The following ARHGAP35 variants were observed in gnomAD, a reference collection of about 807,000 sequenced individuals.
The protein encoded by ARHGAP35 is Rho GTPase activating protein 35.
ARHGAP35 carries 15 observed loss-of-function variants against 111.1 expected under a neutral mutation model. The ratio of observed to expected loss-of-function variants is 0.13; its 90% CI spans 0.09 to 0.21. ARHGAP35 has a LOEUF of 0.21. Among genes scored for constraint, ARHGAP35 ranks in the 10% least tolerant of loss-of-function variants. The probability of loss-of-function intolerance (pLI) is 1.00; values close to 1 mark genes in which losing one functional copy is unlikely to be tolerated. For synonymous variants in ARHGAP35, 643 were observed against 710.3 expected (o/e 0.91, Z 1.51); for missense variants, 1,262 against 1,873.0 (o/e 0.67, Z 6.02).
At chr19:46,998,908 G>A (rs1284187705) in intron 5 of ARHGAP35, among the ~76,000 whole-genome samples, 3 of 152,272 alleles carry the variant, frequency 2.0e-5, no homozygotes, top group African/African-American at 4.8e-5. Flanking sequence ...GCGTGGGTGG[G>A]TGGCAGCGGC....
chr19:46,872,817 C>A (rs1416744842), intron 1 of ARHGAP35, among the ~76,000 whole-genome samples: 1 of 149,916 alleles, frequency 6.7e-6, no homozygotes, highest in East Asian at 2.0e-4. Flanking sequence ...GGAGACGGAG[C>A]TTGCAGTGAG....
At chr19:46,970,824 G>A (rs537978483) in intron 3 of ARHGAP35, among the ~76,000 whole-genome samples, 4 of 152,230 alleles carry the variant, frequency 2.6e-5, no homozygotes, top group Admixed American at 1.3e-4. Flanking sequence ...AGGATGACTC[G>A]AAGTGGAATG....
chr19:46,885,843 G>A (rs796231065), intron 1 of ARHGAP35, among the ~76,000 whole-genome samples: 4 of 152,000 alleles, frequency 2.6e-5, no homozygotes, highest in African/African-American at 9.7e-5. Flanking sequence ...TGTTGCCCAG[G>A]CTGGACTCGA....
At chr19:46,886,011 A>G (rs568655949) in intron 1 of ARHGAP35, among the ~76,000 whole-genome samples, 7 of 152,128 alleles carry the variant, frequency 4.6e-5, no homozygotes, top group Admixed American at 3.3e-4. Context: ...CCTGTCACCC[A>G]TTTCATTTCT....
chr19:46,973,411 G>A (rs2056562088), intron 3 of ARHGAP35, among the ~76,000 whole-genome samples: 1 of 152,096 alleles, frequency 6.6e-6, no homozygotes, highest in Admixed American at 6.6e-5. Flanking sequence ...GCCGGGCGCA[G>A]TGGCTCACGC....
At position 46,957,631 on chromosome 19, in the gene ARHGAP35, A is replaced by T. The variant is rs201427652; in HGVS notation, c.3826+20223A>T. Among the ~76,000 whole-genome samples, 11 of 152,234 alleles carry T rather than the reference A, an allele frequency of 7.2e-5. No homozygotes were observed. In the East Asian group the frequency reaches 2.1e-3, roughly 29 times the overall value. On this transcript the variant is annotated intron_variant, in intron 3 of 6. Transcript: ENST00000672722. ...TATCTCAAAAATAAATAAATAACTA[A>T]ACTGTTAAATGTGTGGCTTAGATGA... is the stretch of plus-strand genomic sequence containing the variant.
At chr19:46,952,623 T>C (rs2056418785) in intron 3 of ARHGAP35, among the ~76,000 whole-genome samples, 2 of 152,254 alleles carry the variant, frequency 1.3e-5, no homozygotes, top group Admixed American at 1.3e-4. Context: ...ATGCAGCTAA[T>C]AATAATGCCC....
Position 46,999,081 on chromosome 19 carries a change from C to T in ARHGAP35, c.4037-223C>T, listed in dbSNP as rs2056731722. 1.3e-5 allele frequency: 7 copies of T among 552,650 alleles called. No homozygotes were observed. The highest frequency in any genetic ancestry group is 3.1e-5 in the Admixed American group (1 of 32,544). The allele number at this position is 552,650 out of a possible 1,614,324, so 34.2% of individuals were successfully genotyped here. A position where few individuals can be genotyped will look rare whatever the true frequency, so the allele number is the denominator to read the frequency against. The stretch of plus-strand genomic sequence containing the variant: ...CCAGGAAGCCCCAGGCACACAGTGC[C>T]GCCCTTCAGCGGGGGCCTGGGACAC... On this transcript the variant is annotated intron_variant, in intron 5 of 6. Coordinates refer to ENST00000672722, the MANE Select transcript of ARHGAP35 (RefSeq NM_004491.5). This position sits in a 1 kb window ranked among gnomAD's most constrained non-coding sequence, Gnocchi z 5.4.
intron 1 of ARHGAP35, among the ~76,000 whole-genome samples, chr19:46,868,319 G>A (rs2055869327): frequency 6.6e-6 from 1 of 152,150 alleles, no homozygotes; most frequent in Non-Finnish European, 1.5e-5. Context: ...GCCTCTCTGG[G>A]TATAAGAATA....
rs144455652 is a variant in ARHGAP35 at position 46,977,156 on chromosome 19, G to A, written c.3827-10833G>A. Among the ~76,000 whole-genome samples the A allele has an allele frequency of 2.2e-4, 33 of 152,298 alleles. 1 individual carries two copies. In the South Asian group the frequency reaches 6.2e-3, roughly 29 times the overall value. Reference sequence around the variant, plus strand: ...TGTGGCCAGCTTCTGCAGGGGGCGTGGCCCTGTGGGGACTCCCAGCCACAG... The same window carrying A: ...TGTGGCCAGCTTCTGCAGGGGGCGTAGCCCTGTGGGGACTCCCAGCCACAG... On this transcript the variant is annotated intron_variant, in intron 3 of 6. Transcript: ENST00000672722.
intron 2 of ARHGAP35, among the ~76,000 whole-genome samples, chr19:46,925,305 T>C (rs2056231779): frequency 6.6e-6 from 1 of 152,190 alleles, no homozygotes. Context: ...AGAGCAAACC[T>C]CCTATTAAAA....
intron 2 of ARHGAP35, among the ~76,000 whole-genome samples, chr19:46,936,370 A>C (rs1156400099): frequency 1.3e-5 from 2 of 151,942 alleles, no homozygotes; most frequent in Non-Finnish European, 2.9e-5. Context: ...AAAAATAGAC[A>C]AAAAAAATAC....
Position 46,989,673 on chromosome 19 carries a change from A to T in ARHGAP35, c.4034A>T (p.His1345Leu). Residue 1345 changes from histidine to leucine, a missense_variant and splice_region_variant, in exon 5 of 7, where the codon CAC becomes CTC. Physicochemically the swap from His to Leu is moderately conservative, Grantham distance 99 (BLOSUM62 -3). Transcript: ENST00000672722. This position sits in a 1 kb window ranked among gnomAD's most constrained non-coding sequence, Gnocchi z 5.3. ...YNMQIDLVEAHKINDREQKLH... is the reference protein window; with the variant it reads ...YNMQIDLVEALKINDREQKLH... ...ATGCAGATCGACTTGGTGGAAGCAC[A>T]CAGTGAGTACCGGCAGCCCAGTGTT... 1 of 1,613,890 alleles carries T rather than the reference A, an allele frequency of 6.2e-7. No homozygotes were observed. The highest frequency in any genetic ancestry group is 8.5e-7 in the Non-Finnish European group (1 of 1,179,810).
chr19:46,914,527 G>A (rs1230524642), intron 1 of ARHGAP35, among the ~76,000 whole-genome samples: 1 of 152,134 alleles, frequency 6.6e-6, no homozygotes, highest in Non-Finnish European at 1.5e-5. Flanking sequence ...TGAAGTGGGA[G>A]GATCACTTGA....
At chr19:46,891,931 A>G (rs188205727) in intron 1 of ARHGAP35, among the ~76,000 whole-genome samples, 3 of 152,026 alleles carry the variant, frequency 2.0e-5, no homozygotes, top group African/African-American at 7.2e-5. Context: ...GCTTGAGTTC[A>G]GGAGTTCGAG....
chr19:46,979,866 C>G (rs1026557573), intron 3 of ARHGAP35, among the ~76,000 whole-genome samples: 10 of 152,000 alleles, frequency 6.6e-5, no homozygotes, highest in African/African-American at 2.4e-4. Flanking sequence ...AGACAGCTAA[C>G]GAAGGGGCAG....
chr19:46,861,079 CCCCCCGCCGCCGGAGCCG>C lies in ARHGAP35; in HGVS notation c.-316_-299del. Among the ~76,000 whole-genome samples the C allele has an allele frequency of 6.8e-6, 1 of 148,126 alleles. No individual in the cohort carries two copies. The highest frequency in any genetic ancestry group is 2.0e-4 in the East Asian group (1 of 4,978). ...AACCCGCGAGGGAGGGTCCGCCCGGCCCCCCGCCGCCGGAGCCGCCGCCGCCGCCTCAGCCGCCGCTGG... is the reference window on the plus strand; with the variant it reads ...AACCCGCGAGGGAGGGTCCGCCCGGCCCGCCGCCGCCTCAGCCGCCGCTGG... On this transcript the variant is annotated 5_prime_UTR_variant, in exon 1 of 7. Transcript: ENST00000672722.
chr19:46,923,689 C>T (rs1342851661), intron 2 of ARHGAP35, among the ~76,000 whole-genome samples: 3 of 151,660 alleles, frequency 2.0e-5, no homozygotes, highest in Admixed American at 6.6e-5. Flanking sequence ...GAGGCCGAGG[C>T]GGGTGGATCT....
chr19:46,981,782 C>T (rs554502751), intron 3 of ARHGAP35, among the ~76,000 whole-genome samples: 1 of 152,262 alleles, frequency 6.6e-6, no homozygotes, highest in African/African-American at 2.4e-5. Flanking sequence ...CAGCTCTCAC[C>T]GGAGGGCCGT....
Sources: gnomAD v4.1 joint callset for allele counts (sites outside exome capture counted in the v4.1 genomes callset) on GRCh38, gnomAD v4.1.1 for gene constraint, Gnocchi (gnomAD v3.1) non-coding constraint, MANE v1.5 for transcripts, NCBI Gene and HGNC (gene_info 2026-07-23, HGNC 2026-07-21) for gene names.